NBEA: variants seen among roughly 807,000 people sequenced by gnomAD.
NBEA encodes the protein lysosomal-trafficking regulator 2.
A neutral mutation model predicts 343.4 loss-of-function variants in NBEA; 44 were observed. The ratio of observed to expected loss-of-function variants is 0.13; its 90% CI spans 0.10 to 0.16. The LOEUF is 0.16. Among genes scored for constraint, NBEA ranks in the 10% least tolerant of loss-of-function variants. The pLI, the probability that NBEA is intolerant of heterozygous loss-of-function variation, is 1.00. For synonymous variants in NBEA, 1,175 were observed against 1,238.7 expected (o/e 0.95, Z 1.08); for missense variants, 2,555 against 3,631.3 (o/e 0.70, Z 7.62).
intron 17 of NBEA, among the ~76,000 whole-genome samples, chr13:35,136,103 C>T (rs1001772041): frequency 3.9e-5 from 6 of 151,904 alleles, no homozygotes; most frequent in African/African-American, 1.5e-4. Flanking sequence ...CAAATGTAAC[C>T]AGACAAGGAA....
intron 41 of NBEA, among the ~76,000 whole-genome samples, chr13:35,533,375 T>C (rs774006012): frequency 1.3e-5 from 2 of 152,176 alleles, no homozygotes; most frequent in African/African-American, 4.8e-5. Flanking sequence ...GTTTGTCTCA[T>C]GCATGTTATT....
At chr13:35,461,744 AAG>A (rs1048676000) in intron 40 of NBEA, among the ~76,000 whole-genome samples, 2 of 152,222 alleles carry the variant, frequency 1.3e-5, no homozygotes, top group African/African-American at 4.8e-5. Flanking sequence ...TAAAGTTAAA[AAG>A]AGATTTTGCC....
At chr13:35,625,103 G>A (rs1470563480) in intron 48 of NBEA, among the ~76,000 whole-genome samples, 1 of 152,010 alleles carries the variant, frequency 6.6e-6, no homozygotes, top group African/African-American at 2.4e-5. Context: ...ATCAAAATAT[G>A]AAAAGTAAAA....
chr13:35,242,068 C>T (rs1300458996), intron 34 of NBEA, among the ~76,000 whole-genome samples: 2 of 151,824 alleles, frequency 1.3e-5, no homozygotes, highest in East Asian at 1.9e-4. Context: ...CCAGAAACCA[C>T]GTTTAAAGAA....
At chr13:35,305,058 C>T (rs1008033882) in intron 35 of NBEA, among the ~76,000 whole-genome samples, 5 of 152,162 alleles carry the variant, frequency 3.3e-5, no homozygotes, top group Non-Finnish European at 5.9e-5. Context: ...CCACTATAGC[C>T]ATATCACAGT....
chr13:35,168,168 C>G (rs997078486), intron 24 of NBEA, among the ~76,000 whole-genome samples: 1 of 151,592 alleles, frequency 6.6e-6, no homozygotes, highest in Non-Finnish European at 1.5e-5. Context: ...TTACTATTCT[C>G]AGGATGCTTT....
chr13:35,314,871 A>C (rs2037616350), intron 36 of NBEA, among the ~76,000 whole-genome samples: 1 of 152,158 alleles, frequency 6.6e-6, no homozygotes, highest in Admixed American at 6.5e-5. Flanking sequence ...CATTTCTTTC[A>C]ATTTAGACTT....
At chr13:35,101,472 A>G (rs1255654962) in intron 11 of NBEA, among the ~76,000 whole-genome samples, 5 of 151,756 alleles carry the variant, frequency 3.3e-5, no homozygotes, top group African/African-American at 1.2e-4. Flanking sequence ...GTCTATTTTC[A>G]TGTGCTTATT....
intron 41 of NBEA, among the ~76,000 whole-genome samples, chr13:35,543,771 G>T (rs2078940193): frequency 6.6e-6 from 1 of 152,094 alleles, no homozygotes; most frequent in African/African-American, 2.4e-5. Context: ...TTCTTTGGTA[G>T]GGAAATAGCA....
Position 35,251,112 on chromosome 13 carries a change from T to C in NBEA, c.5776+18493T>C, listed in dbSNP as rs116993881. 168 of 202,806 alleles carry C rather than the reference T, an allele frequency of 8.3e-4. 3 individuals carry two copies. The East Asian group carries it at 0.017, about 20-fold the overall frequency. The allele number at this position is 202,806 out of a possible 1,614,324, so 12.6% of individuals were successfully genotyped here. A position where few individuals can be genotyped will look rare whatever the true frequency, so the allele number is the denominator to read the frequency against. Reference sequence around the variant, plus strand: ...GCACGAGGCATGGTGAACTCTGCCTTCTATAATGTGGATGCTGGGCACAGA... The same window carrying C: ...GCACGAGGCATGGTGAACTCTGCCTCCTATAATGTGGATGCTGGGCACAGA... On this transcript the variant is annotated intron_variant, in intron 34 of 58. Coordinates refer to ENST00000379939, the MANE Select transcript of NBEA (RefSeq NM_001385012.1).
chr13:35,435,462 G>C (rs2045375284), intron 39 of NBEA, among the ~76,000 whole-genome samples: 1 of 151,998 alleles, frequency 6.6e-6, no homozygotes, highest in Non-Finnish European at 1.5e-5. Context: ...AAATACAACG[G>C]AGTAGTTAGG....
At chr13:35,052,945 GCCATCTTAGACTC>G (rs1286954900) in intron 6 of NBEA, among the ~76,000 whole-genome samples, 7 of 151,982 alleles carry the variant, frequency 4.6e-5, no homozygotes, top group South Asian at 2.1e-4. Context: ...AAAATTGGAA[GCCATCTTAGACTC>G]CCATCTTAGA....
chr13:35,120,555 T>A (rs1466650926), intron 16 of NBEA, among the ~76,000 whole-genome samples: 1 of 152,196 alleles, frequency 6.6e-6, no homozygotes. Flanking sequence ...CAGTTGTATA[T>A]GAAGTATTTT....
chr13:35,213,285 T>C (rs1402423261), intron 33 of NBEA, among the ~76,000 whole-genome samples: 1 of 152,090 alleles, frequency 6.6e-6, no homozygotes, highest in Admixed American at 6.6e-5. Flanking sequence ...CACTTGATTA[T>C]GGTTCAGCAA....
chr13:35,426,953 G>T (rs995152386), intron 38 of NBEA, among the ~76,000 whole-genome samples: 1 of 152,118 alleles, frequency 6.6e-6, no homozygotes, highest in Non-Finnish European at 1.5e-5. Context: ...CATTCGTCAC[G>T]TAGTTCTTGT....
intron 39 of NBEA, among the ~76,000 whole-genome samples, chr13:35,445,607 G>A (rs2045960764): frequency 6.6e-6 from 1 of 151,526 alleles, no homozygotes; most frequent in South Asian, 2.1e-4. Context: ...CTTAACTAAT[G>A]TGCATGTAAA....
chr13:35,394,174 G>T (rs1003633051), intron 38 of NBEA, among the ~76,000 whole-genome samples: 3 of 152,100 alleles, frequency 2.0e-5, no homozygotes, highest in African/African-American at 7.2e-5. Context: ...ATCATTGATG[G>T]ATTAGCCTAT....
intron 36 of NBEA, among the ~76,000 whole-genome samples, chr13:35,330,012 T>C (rs2038824232): frequency 6.6e-6 from 1 of 151,970 alleles, no homozygotes; most frequent in African/African-American, 2.4e-5. Flanking sequence ...TCTCAGTAAA[T>C]TATTGTTCAG....
intron 48 of NBEA, among the ~76,000 whole-genome samples, chr13:35,610,354 C>T (rs565844290): frequency 2.6e-5 from 4 of 152,084 alleles, no homozygotes; most frequent in Non-Finnish European, 4.4e-5. Context: ...GATTGCGCTA[C>T]TGCACTCCAG....
Sources: gnomAD v4.1 joint callset for allele counts (sites outside exome capture counted in the v4.1 genomes callset) on GRCh38, gnomAD v4.1.1 for gene constraint, MANE v1.5 for transcripts, NCBI Gene and HGNC (gene_info 2026-07-23, HGNC 2026-07-21) for gene names.